Variants in TLE4 observed in about 807,000 individuals in gnomAD.
TLE4 encodes the protein transducin-like enhancer protein 4.
In TLE4, 8 loss-of-function variants were observed where a neutral mutation model predicts 92.8. The ratio of observed to expected loss-of-function variants is 0.09; its 90% CI spans 0.05 to 0.16. TLE4 has a LOEUF of 0.16. Among genes scored for constraint, TLE4 ranks in the 10% least tolerant of loss-of-function variants. The pLI is 1.00. For synonymous variants in TLE4, 371 were observed against 374.1 expected (o/e 0.99, Z 0.10); for missense variants, 675 against 997.6 (o/e 0.68, Z 4.36).
At chr9:79,596,067 C>G (rs941989914) in intron 4 of TLE4, among the ~76,000 whole-genome samples, 1 of 152,026 alleles carries the variant, frequency 6.6e-6, no homozygotes, top group Non-Finnish European at 1.5e-5. Flanking sequence ...AGGATGGTCT[C>G]GATCTCCTGA....
intron 6 of TLE4, among the ~76,000 whole-genome samples, chr9:79,637,952 A>T (rs1257812565): frequency 1.3e-5 from 2 of 152,162 alleles, no homozygotes; most frequent in Non-Finnish European, 1.5e-5. Context: ...GCCTTAGTAG[A>T]ATAGGATTGT....
chr9:79,709,532 T>G, intron 13 of TLE4, 91 bp from the exon 14 acceptor site: 1 of 1,079,266 alleles, frequency 9.3e-7, no homozygotes, highest in Admixed American at 2.0e-5. Context: ...AAGGATCTAT[T>G]CTCCCAGGTT....
At chr9:79,693,938 G>A (rs1360391443) in intron 8 of TLE4, among the ~76,000 whole-genome samples, 6 of 152,172 alleles carry the variant, frequency 3.9e-5, no homozygotes, top group Admixed American at 3.9e-4. Context: ...ATTGCAGTTG[G>A]CTCCATTCAT....
intron 8 of TLE4, among the ~76,000 whole-genome samples, chr9:79,682,748 C>G (rs1350470282): frequency 6.6e-6 from 1 of 152,196 alleles, no homozygotes. Context: ...AATGAAAATG[C>G]TCAAGCATCT....
chr9:79,719,073 C>T (rs1235473884), intron 15 of TLE4, 102 bp downstream of exon 15: 95 of 1,472,716 alleles, frequency 6.5e-5, no homozygotes, highest in Non-Finnish European at 7.9e-5. Flanking sequence ...GTATTGATCC[C>T]AGGTGGATAG....
At chr9:79,665,608 G>A (rs2061266889) in intron 8 of TLE4, among the ~76,000 whole-genome samples, 1 of 152,200 alleles carries the variant, frequency 6.6e-6, no homozygotes, top group African/African-American at 2.4e-5. Flanking sequence ...AGCAAACACT[G>A]ACAGTAATGC....
In TLE4 at chr9:79,652,694, T is replaced by A. The variant is rs1169312829; in HGVS notation, c.492T>A (p.Gly164=). The stretch of plus-strand genomic sequence containing the variant: ...AGCCCCCTGCCATTCCACCCATCGG[T>A]AGCAGTGCCGGGCTTCTGGCCCTCT... The part of the protein sequence containing the change: ...GLQPPAIPPI[G]SSAGLLALSS... The change falls in exon 7 of 20, where the codon GGT becomes GGA. Residue 164 remains glycine, a synonymous_variant. Transcript: ENST00000376552. 1.9e-6 allele frequency: 3 copies of A among 1,614,158 alleles called. No homozygotes were observed. In the Admixed American group the frequency reaches 5.0e-5, roughly 27 times the overall value.
At chr9:79,663,240 G>C (rs538473187) in intron 8 of TLE4, among the ~76,000 whole-genome samples, 8 of 152,286 alleles carry the variant, frequency 5.3e-5, no homozygotes, top group Admixed American at 5.2e-4. Flanking sequence ...AGCTTGAAGA[G>C]ACAGCTTTTT....
At chr9:79,683,084 A>G (rs2065070406) in intron 8 of TLE4, among the ~76,000 whole-genome samples, 1 of 152,176 alleles carries the variant, frequency 6.6e-6, no homozygotes, top group African/African-American at 2.4e-5. Flanking sequence ...AATGTACAAG[A>G]CCTTATGTGG....
At chr9:79,596,916 C>A (rs1037866737) in intron 4 of TLE4, among the ~76,000 whole-genome samples, 1 of 152,154 alleles carries the variant, frequency 6.6e-6, no homozygotes, top group Non-Finnish European at 1.5e-5. Flanking sequence ...GACTGCACAG[C>A]TGTATAGTTC....
At chr9:79,574,726 CTTTCCCCT>C (rs2037168530) in intron 2 of TLE4, 139 bp from the exon 3 acceptor site, 4 of 619,036 alleles carry the variant, frequency 6.5e-6, no homozygotes, top group Non-Finnish European at 1.1e-5. Flanking sequence ...CCAATCACCC[CTTTCCCCT>C]TCCCTTTCCA....
Position 79,678,204 on chromosome 9 carries a change from T to C in TLE4, c.609+24129T>C, listed in dbSNP as rs539525624. 2.0e-5 allele frequency among the ~76,000 whole-genome samples: 3 copies of C among 152,262 alleles called. No homozygotes were observed. The East Asian group carries it at 5.8e-4, about 29-fold the overall frequency. ...ACAGATAATGATCTTCATCAAGTTA[T>C]GTACGTGAATCTGCCTGTTCAATAA... On this transcript the variant is annotated intron_variant, in intron 8 of 19. Coordinates refer to ENST00000376552, the MANE Select transcript of TLE4 (RefSeq NM_007005.6).
intron 5 of TLE4, among the ~76,000 whole-genome samples, chr9:79,626,083 A>G (rs1302763009): frequency 6.6e-6 from 1 of 152,114 alleles, no homozygotes; most frequent in Non-Finnish European, 1.5e-5. Flanking sequence ...ACACATTTCT[A>G]TTAGGAAACC....
intron 6 of TLE4, among the ~76,000 whole-genome samples, chr9:79,632,069 C>T (rs894514819): frequency 6.6e-6 from 1 of 152,168 alleles, no homozygotes; most frequent in Admixed American, 6.5e-5. Flanking sequence ...ACATGTGTCC[C>T]ACAGCCTGAC....
chr9:79,578,799 A>C (rs1359291130), intron 4 of TLE4, among the ~76,000 whole-genome samples: 7 of 151,844 alleles, frequency 4.6e-5, no homozygotes, highest in Non-Finnish European at 8.8e-5. Flanking sequence ...TTGGTAACTG[A>C]GTAAATAGCA....
chr9:79,597,510 T>C (rs1359740745), intron 4 of TLE4, among the ~76,000 whole-genome samples: 2 of 152,120 alleles, frequency 1.3e-5, no homozygotes, highest in East Asian at 1.9e-4. Flanking sequence ...TCTGAGACCA[T>C]TGTATGTCCT....
chr9:79,723,202 A>G (rs1223643502), intron 19 of TLE4, among the ~76,000 whole-genome samples, 167 bp downstream of exon 19: 1 of 152,220 alleles, frequency 6.6e-6, no homozygotes, highest in Non-Finnish European at 1.5e-5. Context: ...GTCACAGCAA[A>G]GCCGTGGAGC....
intron 8 of TLE4, among the ~76,000 whole-genome samples, chr9:79,673,229 G>GT (rs2062710059): frequency 6.6e-6 from 1 of 152,128 alleles, no homozygotes; most frequent in Non-Finnish European, 1.5e-5. Flanking sequence ...TGTGTTTGGC[G>GT]TAAGATCCTG....
intron 8 of TLE4, among the ~76,000 whole-genome samples, chr9:79,674,068 A>C (rs2062851131): frequency 6.6e-6 from 1 of 152,094 alleles, no homozygotes; most frequent in Non-Finnish European, 1.5e-5. Context: ...CTTCCCAGAT[A>C]AAAGAGTTGA....
Sources: gnomAD v4.1 joint callset for allele counts (sites outside exome capture counted in the v4.1 genomes callset) on GRCh38, gnomAD v4.1.1 for gene constraint, MANE v1.5 for transcripts, NCBI Gene and HGNC (gene_info 2026-07-23, HGNC 2026-07-21) for gene names.